KNDC1: variants seen among roughly 807,000 people sequenced by gnomAD.
The protein encoded by KNDC1 is kinase non-catalytic C-lobe domain containing 1.
In KNDC1, 106 loss-of-function variants were observed where a neutral mutation model predicts 172.8. The observed-to-expected ratio is 0.61, with a 90% CI of 0.52 to 0.72. KNDC1 has a LOEUF of 0.72. KNDC1 is among the 30% of genes least tolerant of loss of function. The pLI is 0.00. For missense variants in KNDC1, 2,325 were observed against 2,394.5 expected (o/e 0.97, Z 0.61); for synonymous variants, 1,083 against 1,062.2 (o/e 1.02, Z -0.38).
intron 9 of KNDC1, among the ~76,000 whole-genome samples, 166 bp downstream of exon 9, chr10:133,189,979 C>G (rs893151380): frequency 6.6e-6 from 1 of 152,188 alleles, no homozygotes; most frequent in African/African-American, 2.4e-5. Context: ...TGGCTCTGGC[C>G]GGGGCACCAA....
At position 133,201,903 on chromosome 10, in the gene KNDC1, G is replaced by C; in HGVS notation, c.3387+5G>C. On this transcript the variant is annotated splice_donor_5th_base_variant and intron_variant, in intron 17 of 29. Coordinates refer to ENST00000304613, the MANE Select transcript of KNDC1 (RefSeq NM_152643.8). ...CTGCCCGACGCCCAGAGCCCGGTGA[G>C]TCCCAGGCCTTGGCACTGCCGGGTG... 6.7e-7 allele frequency: 1 copy of C among 1,498,288 alleles called. No individual in the cohort carries two copies. Among genetic ancestry groups the C allele is most frequent in the Non-Finnish European group, 8.9e-7 (1 of 1,125,062 alleles). The allele number at this position is 1,498,288 out of a possible 1,614,324, so 92.8% of individuals were successfully genotyped here.
At chr10:133,211,921 C>T (rs1367293569) in intron 23 of KNDC1, 63 bp downstream of exon 23, 1 of 1,501,928 alleles carries the variant, frequency 6.7e-7, no homozygotes, top group East Asian at 2.3e-5. Context: ...TGAGCCCAGC[C>T]TCAAAGACAC....
intron 26 of KNDC1, among the ~76,000 whole-genome samples, chr10:133,216,978 A>C (rs1444224219): frequency 1.3e-5 from 2 of 152,260 alleles, no homozygotes; most frequent in Admixed American, 1.3e-4. Context: ...CTGGAGGCGC[A>C]AGATTCACGG....
chr10:133,203,386 C>G (rs1190730717), intron 17 of KNDC1, among the ~76,000 whole-genome samples: 1 of 152,276 alleles, frequency 6.6e-6, no homozygotes, highest in Non-Finnish European at 1.5e-5. Flanking sequence ...CACAGCCTCA[C>G]GTTTCTCTTG....
chr10:133,208,799 T>C (rs530585226), intron 20 of KNDC1, among the ~76,000 whole-genome samples: 1 of 152,160 alleles, frequency 6.6e-6, no homozygotes, highest in Non-Finnish European at 1.5e-5. Flanking sequence ...TTGGTGTGTG[T>C]GCATGTGTGG....
chr10:133,198,868 C>G lies in KNDC1; in HGVS notation c.2360C>G (p.Thr787Arg). 6.3e-7 allele frequency: 1 copy of G among 1,599,062 alleles called. No homozygotes were observed. The highest frequency in any genetic ancestry group is 8.5e-7 in the Non-Finnish European group (1 of 1,176,356). The part of the protein sequence containing the change: ...APGSPVPAPP[T>R]KASALPVEQG... ...GGCTCTCCAGTCCCCGCCCCGCCCA[C>G]GAAGGCATCTGCGCTGCCCGTAGAG... is the stretch of plus-strand genomic sequence containing the variant. The change falls in exon 14 of 30, where the codon ACG becomes AGG. Residue 787 changes from threonine (T) to arginine (R), a missense_variant. By Grantham distance (71) the Thr-to-Arg change is moderately conservative. Transcript: ENST00000304613.
Position 133,201,719 on chromosome 10 carries a change from G to A in KNDC1, c.3208G>A (p.Ala1070Thr), listed in dbSNP as rs761797296. ...AGACGTGGAGGCAGTGACCCGACTGGCCAGGTCCAAAGGGGTCGGCCCAGC... is the reference window on the plus strand; with the variant it reads ...AGACGTGGAGGCAGTGACCCGACTGACCAGGTCCAAAGGGGTCGGCCCAGC... ...ASDVEAVTRL[A>T]RSKGVGPALS... The change falls in exon 17 of 30, where the codon GCC (alanine) becomes ACC (threonine). Residue 1070 changes from alanine (A) to threonine (T), a missense_variant. By Grantham distance (58) the Ala-to-Thr change is moderately conservative (BLOSUM62 0). Transcript: ENST00000304613. 26 of 1,608,838 alleles carry A rather than the reference G, an allele frequency of 1.6e-5. No homozygotes were observed. In the Admixed American group the frequency reaches 4.2e-4, roughly 26 times the overall value.
intron 10 of KNDC1, among the ~76,000 whole-genome samples, chr10:133,196,456 C>T (rs1316484097): frequency 1.3e-5 from 2 of 152,136 alleles, no homozygotes; most frequent in Admixed American, 6.5e-5. Flanking sequence ...GGAGGACCTC[C>T]TGGGGAGGAG....
intron 11 of KNDC1, 80 bp downstream of exon 11, chr10:133,197,215 C>A: frequency 9.0e-7 from 1 of 1,112,168 alleles, no homozygotes; most frequent in Non-Finnish European, 1.3e-6. Context: ...CCTTGCCTGG[C>A]CGCTCCCGGC....
In KNDC1 at chr10:133,200,364, C is replaced by T; in HGVS notation, c.2904-11C>T. 1 of 1,576,410 alleles carries T rather than the reference C, an allele frequency of 6.3e-7. No individual in the cohort carries two copies. The highest frequency in any genetic ancestry group is 8.6e-7 in the Non-Finnish European group (1 of 1,162,548). On this transcript the variant is annotated splice_polypyrimidine_tract_variant and intron_variant, in intron 15 of 29. Coordinates refer to ENST00000304613, the MANE Select transcript of KNDC1 (RefSeq NM_152643.8). ...GCGGAGGTGGGGACTGACCTGCATT[C>T]TCGTCGTCAGCACGGCCGAGGAGGC...
At chr10:133,162,158 T>A (rs1235345836) in intron 1 of KNDC1, among the ~76,000 whole-genome samples, 4 of 152,180 alleles carry the variant, frequency 2.6e-5, no homozygotes, top group African/African-American at 9.7e-5. Flanking sequence ...TCGCAGACAC[T>A]CCTGGAAAGC....
intron 6 of KNDC1, 133 bp from the exon 7 acceptor site, chr10:133,188,406 C>A: frequency 1.6e-6 from 1 of 611,800 alleles, no homozygotes; most frequent in Non-Finnish European, 2.9e-6. Flanking sequence ...CCTAGCCCTT[C>A]TATCAGGTGT....
chr10:133,197,770 T>C lies in KNDC1; in HGVS notation c.1906+2T>C. ...CACCAGCCCCAGAGCCCAGCCCAGG[T>C]GGGGACCTGACCAGCCCCTGCTGCC... On this transcript the variant is annotated splice_donor_variant, in intron 12 of 29. Coordinates refer to ENST00000304613, the MANE Select transcript of KNDC1 (RefSeq NM_152643.8). LOFTEE classifies it high-confidence loss of function. 1 of 1,609,216 alleles carries C rather than the reference T, an allele frequency of 6.2e-7. No individual in the cohort carries two copies. The highest frequency in any genetic ancestry group is 8.5e-7 in the Non-Finnish European group (1 of 1,178,274).
chr10:133,182,004 G>A (rs1853732744), intron 3 of KNDC1, among the ~76,000 whole-genome samples: 2 of 152,176 alleles, frequency 1.3e-5, no homozygotes, highest in South Asian at 4.1e-4. Flanking sequence ...GGAGTTTGAG[G>A]CAGAATTGGA....
At chr10:133,213,143 C>T (rs929687026) in intron 24 of KNDC1, among the ~76,000 whole-genome samples, 4 of 152,238 alleles carry the variant, frequency 2.6e-5, no homozygotes, top group African/African-American at 9.6e-5. Flanking sequence ...CCTCTCCAGA[C>T]CACTGCCCGC....
At chr10:133,201,448 G>T in intron 16 of KNDC1, 53 bp from the exon 17 acceptor site, 1 of 1,530,768 alleles carries the variant, frequency 6.5e-7, no homozygotes, top group Non-Finnish European at 8.8e-7. Context: ...AGCCTGCCCG[G>T]GCTCCGCCCA....
intron 22 of KNDC1, 41 bp downstream of exon 22, chr10:133,211,610 C>T: frequency 6.2e-7 from 1 of 1,602,872 alleles, no homozygotes; most frequent in Non-Finnish European, 8.5e-7. Context: ...CCCGGGGCTC[C>T]CACAGTGGGA....
In KNDC1 at chr10:133,211,579, G is replaced by A. The variant is rs762166796; in HGVS notation, c.4056+10G>A. On this transcript the variant is annotated intron_variant, in intron 22 of 29. Coordinates refer to ENST00000304613, the MANE Select transcript of KNDC1 (RefSeq NM_152643.8). ...CTTCATCTCCTCCAAGGTGACAGTG[G>A]CGCTGAGCTGGGCGGCCGCACCCGG... The A allele has an allele frequency of 1.9e-6, 3 of 1,611,162 alleles. No individual in the cohort carries two copies. The Admixed American group carries it at 5.0e-5, about 27-fold the overall frequency.
At chr10:133,196,858 G>A (rs1330123656) in intron 10 of KNDC1, among the ~76,000 whole-genome samples, 200 bp from the exon 11 acceptor site, 2 of 152,192 alleles carry the variant, frequency 1.3e-5, no homozygotes, top group Admixed American at 6.5e-5. Context: ...GGAGCCTGGG[G>A]GACAGTGGCC....
Sources: gnomAD v4.1 joint callset for allele counts (sites outside exome capture counted in the v4.1 genomes callset) on GRCh38, gnomAD v4.1.1 for gene constraint, MANE v1.5 for transcripts, NCBI Gene and HGNC (gene_info 2026-07-23, HGNC 2026-07-21) for gene names.